PRKG2: variants seen among roughly 807,000 people sequenced by gnomAD.
The protein encoded by PRKG2 is cGMP-dependent protein kinase 2.
Under a neutral mutation model 97.2 loss-of-function variants are expected in PRKG2, and 33 were observed. The ratio of observed to expected loss-of-function variants is 0.34; its 90% CI spans 0.26 to 0.45. The LOEUF (loss-of-function observed/expected upper bound fraction) is 0.45. Among genes scored for constraint, PRKG2 ranks in the 20% least tolerant of loss-of-function variants. The probability of loss-of-function intolerance (pLI) is 1.00; values close to 1 mark genes in which losing one functional copy is unlikely to be tolerated. For missense variants in PRKG2, 638 were observed against 900.0 expected, an observed-to-expected ratio of 0.71 and a Z score of 3.73; for synonymous variants, 330 against 321.8, an observed-to-expected ratio of 1.03 and a Z score of -0.27.
At chr4:81,213,852 T>A (rs1030813098) in intron 1 of PRKG2, among the ~76,000 whole-genome samples, 5 of 152,070 alleles carry the variant, frequency 3.3e-5, no homozygotes, top group African/African-American at 1.2e-4. Flanking sequence ...GAGTTAAGGA[T>A]TTCACGTAAA....
chr4:81,150,180 G>C (rs987199549), intron 8 of PRKG2, among the ~76,000 whole-genome samples: 2 of 152,086 alleles, frequency 1.3e-5, no homozygotes, highest in African/African-American at 4.8e-5. Context: ...CTTGATTGTA[G>C]GCCAACCATT....
intron 17 of PRKG2, among the ~76,000 whole-genome samples, chr4:81,095,256 C>T (rs115244826): frequency 3.5e-4 from 53 of 152,312 alleles, no homozygotes; most frequent in Non-Finnish European, 7.4e-4. Context: ...TGCTGAAACT[C>T]CAGTCAAAAA....
At chr4:81,099,073 T>A (rs1273225864) in intron 17 of PRKG2, among the ~76,000 whole-genome samples, 2 of 152,198 alleles carry the variant, frequency 1.3e-5, no homozygotes, top group Non-Finnish European at 2.9e-5. Context: ...ACCTTACAAG[T>A]ATATCAGCCT....
chr4:81,154,843 C>T (rs186437081), intron 6 of PRKG2, among the ~76,000 whole-genome samples: 53 of 152,158 alleles, frequency 3.5e-4, no homozygotes, highest in African/African-American at 1.2e-3. Flanking sequence ...GACATTTAAA[C>T]CAAAGGCAAA....
At position 81,123,695 on chromosome 4, in the gene PRKG2, C is replaced by T. The variant is rs147652227; in HGVS notation, c.1776+11460G>A. Among the ~76,000 whole-genome samples, 433 of 152,312 alleles carry T rather than the reference C, an allele frequency of 2.8e-3. 1 individual carries two copies. Among genetic ancestry groups the T allele is most frequent in the African/African-American group, 9.9e-3 (410 of 41,580 alleles). ...CTGGGATTACAGGCTTGAGCCATTG[C>T]ACCTGGCCAATTTTTATTTTTTAAA... On this transcript the variant is annotated intron_variant, in intron 14 of 18. Coordinates refer to ENST00000264399, the MANE Select transcript of PRKG2 (RefSeq NM_006259.3).
At chr4:81,118,153 T>A (rs1044638115) in intron 14 of PRKG2, among the ~76,000 whole-genome samples, 2 of 152,222 alleles carry the variant, frequency 1.3e-5, no homozygotes, top group African/African-American at 4.8e-5. Flanking sequence ...TTTTTTCGCA[T>A]CTTTTCGCGG....
intron 16 of PRKG2, among the ~76,000 whole-genome samples, chr4:81,104,656 G>C (rs574744729): frequency 1.2e-3 from 175 of 151,782 alleles, no homozygotes; most frequent in South Asian, 4.2e-3. Flanking sequence ...ATTAGACTTC[G>C]GAGTGTATAT....
intron 6 of PRKG2, among the ~76,000 whole-genome samples, chr4:81,161,164 T>C (rs945961021): frequency 3.3e-5 from 5 of 152,176 alleles, no homozygotes; most frequent in African/African-American, 9.7e-5. Flanking sequence ...CTAACAAACA[T>C]GCGTTTTATT....
At chr4:81,202,605 G>C (rs917236831) in intron 2 of PRKG2, among the ~76,000 whole-genome samples, 4 of 152,076 alleles carry the variant, frequency 2.6e-5, no homozygotes, top group Non-Finnish European at 5.9e-5. Flanking sequence ...CACTTGGCTT[G>C]CCTTTATGGT....
chr4:81,170,385 A>C (rs914272987), intron 4 of PRKG2, among the ~76,000 whole-genome samples: 3 of 152,112 alleles, frequency 2.0e-5, no homozygotes, highest in African/African-American at 7.2e-5. Flanking sequence ...AGTGGGCCAG[A>C]AGTGGTGGCT....
intron 12 of PRKG2, among the ~76,000 whole-genome samples, 194 bp downstream of exon 12, chr4:81,140,338 AG>A (rs1329169517): frequency 9.2e-5 from 14 of 152,244 alleles, no homozygotes; most frequent in African/African-American, 3.1e-4. Flanking sequence ...TAAATGCTCA[AG>A]GGGATGGATA....
chr4:81,149,012 T>C, intron 8 of PRKG2, 60 bp from the exon 9 acceptor site: 2 of 1,496,684 alleles, frequency 1.3e-6, no homozygotes, highest in South Asian at 2.3e-5. Flanking sequence ...CATCCACTTT[T>C]ATTAGGGAAT....
At chr4:81,216,621 C>T (rs1214315755), upstream of PRKG2, among the ~76,000 whole-genome samples, 2 of 152,056 alleles carry the variant, frequency 1.3e-5, no homozygotes, top group African/African-American at 4.8e-5. Context: ...GCTTTTAGCG[C>T]ACCTATTACC....
At chr4:81,189,066 T>TAAAATAAAAAAAAAAAA (rs1752192390) in intron 2 of PRKG2, among the ~76,000 whole-genome samples, 3 of 17,060 alleles carry the variant, frequency 1.8e-4, no homozygotes, top group Non-Finnish European at 2.3e-4. Context: ...AAAAAAATAA[T>TAAAATAAAAAAAAAAAA]AAAAAAAAAA....
intron 6 of PRKG2, among the ~76,000 whole-genome samples, chr4:81,161,113 A>G (rs1017456511): frequency 6.6e-6 from 1 of 152,168 alleles, no homozygotes; most frequent in African/African-American, 2.4e-5. Flanking sequence ...ATTTATTCTT[A>G]AAACCTATTT....
chr4:81,139,509 TGTAATCCCAGCACTTTGGGAGGCCG>T (rs1046042808), intron 12 of PRKG2, among the ~76,000 whole-genome samples: 17 of 152,024 alleles, frequency 1.1e-4, no homozygotes, highest in Admixed American at 3.3e-4. Flanking sequence ...GGCTCACGCC[TGTAATCCCAGCACTTTGGGAGGCCG>T]AGGTTGGCAG....
chr4:81,128,018 T>TAA (rs1475948712), intron 14 of PRKG2, among the ~76,000 whole-genome samples: 9 of 152,210 alleles, frequency 5.9e-5, no homozygotes, highest in Non-Finnish European at 1.3e-4. Flanking sequence ...AATGCCTAGT[T>TAA]TATTGAGAGT....
chr4:81,157,227 A>G (rs1312573511), intron 6 of PRKG2, among the ~76,000 whole-genome samples: 1 of 152,222 alleles, frequency 6.6e-6, no homozygotes, highest in African/African-American at 2.4e-5. Flanking sequence ...AATAGATGCA[A>G]TAAAAAATGA....
At chr4:81,201,978 G>A (rs1386918953) in intron 2 of PRKG2, among the ~76,000 whole-genome samples, 3 of 152,102 alleles carry the variant, frequency 2.0e-5, no homozygotes, top group Non-Finnish European at 4.4e-5. Context: ...CTTTATAAAA[G>A]TCCAACAAAT....
Sources: gnomAD v4.1 joint callset for allele counts (sites outside exome capture counted in the v4.1 genomes callset) on GRCh38, gnomAD v4.1.1 for gene constraint, MANE v1.5 for transcripts, NCBI Gene and HGNC (gene_info 2026-07-23, HGNC 2026-07-21) for gene names.